MVB12B: variants seen among roughly 807,000 people sequenced by gnomAD.
MVB12B encodes the protein ESCRT-I complex subunit MVB12B.
In MVB12B, 16 loss-of-function variants were observed where a neutral mutation model predicts 41.6. The observed-to-expected ratio is 0.38, with a 90% CI of 0.26 to 0.58. The LOEUF is 0.58. Among genes scored for constraint, MVB12B ranks in the 20% least tolerant of loss-of-function variants. MVB12B has a pLI of 0.62. For missense variants in MVB12B, 274 were observed against 380.2 expected, an observed-to-expected ratio of 0.72 and a Z score of 2.32; for synonymous variants, 133 against 139.7, an observed-to-expected ratio of 0.95 and a Z score of 0.34.
At chr9:126,351,670 A>G (rs927551212) in intron 2 of MVB12B, among the ~76,000 whole-genome samples, 2 of 152,052 alleles carry the variant, frequency 1.3e-5, no homozygotes, top group African/African-American at 2.4e-5. Context: ...TTGTACTTTT[A>G]GTAGAGATGG....
intron 9 of MVB12B, among the ~76,000 whole-genome samples, chr9:126,493,353 T>C (rs1171327986): frequency 6.6e-6 from 1 of 152,200 alleles, no homozygotes; most frequent in Admixed American, 6.5e-5. Context: ...TTATCATATG[T>C]AAGTGGATCA....
chr9:126,344,362 T>C (rs1171908668), intron 2 of MVB12B, among the ~76,000 whole-genome samples: 1 of 152,236 alleles, frequency 6.6e-6, no homozygotes, highest in Non-Finnish European at 1.5e-5. Flanking sequence ...TCTGACAGCA[T>C]GAACCCCTTG....
chr9:126,363,386 G>A (rs1175566441), intron 2 of MVB12B, among the ~76,000 whole-genome samples: 1 of 152,136 alleles, frequency 6.6e-6, no homozygotes, highest in Non-Finnish European at 1.5e-5. Flanking sequence ...TGTAGGGAGT[G>A]GCAGGTGATT....
chr9:126,498,027 G>T (rs937017910), intron 9 of MVB12B, among the ~76,000 whole-genome samples: 2 of 152,232 alleles, frequency 1.3e-5, no homozygotes, highest in African/African-American at 4.8e-5. Context: ...CCTCTCCCGG[G>T]ACTGCAGCGC....
chr9:126,345,149 G>A (rs1321261717), intron 2 of MVB12B, among the ~76,000 whole-genome samples: 1 of 152,162 alleles, frequency 6.6e-6, no homozygotes, highest in African/African-American at 2.4e-5. Context: ...TGTGGTGGGG[G>A]TCCAGGTCCA....
chr9:126,453,279 G>A (rs10987285), intron 7 of MVB12B, among the ~76,000 whole-genome samples: 37,628 of 151,916 alleles, frequency 0.25, 4,904 homozygotes, highest in Middle Eastern at 0.29. Context: ...GCATTGTCAA[G>A]GACACATGAA....
At chr9:126,475,874 G>A (rs1548790) in intron 7 of MVB12B, among the ~76,000 whole-genome samples, 95,080 of 152,114 alleles carry the variant, frequency 0.63, 31,111 homozygotes, top group East Asian at 0.74. Flanking sequence ...AAAAATAAAA[G>A]TCTATTTTCT....
intron 3 of MVB12B, among the ~76,000 whole-genome samples, chr9:126,385,377 A>C (rs1054302310): frequency 5.1e-4 from 77 of 152,216 alleles, no homozygotes; most frequent in African/African-American, 1.7e-3. Flanking sequence ...AAGAGGGAAC[A>C]TAACACAGTT....
intron 7 of MVB12B, among the ~76,000 whole-genome samples, chr9:126,439,056 C>T (rs924375298): frequency 2.0e-5 from 3 of 151,966 alleles, no homozygotes; most frequent in East Asian, 1.9e-4. Flanking sequence ...TTAAAGGGTT[C>T]GATTCCCTTA....
At chr9:126,489,512 A>C (rs1261126219) in intron 9 of MVB12B, among the ~76,000 whole-genome samples, 1 of 152,260 alleles carries the variant, frequency 6.6e-6, no homozygotes, top group African/African-American at 2.4e-5. Flanking sequence ...AGTTAGAATC[A>C]GTGGATGCGC....
intron 1 of MVB12B, among the ~76,000 whole-genome samples, chr9:126,332,405 A>C (rs1829155026): frequency 6.6e-6 from 1 of 152,130 alleles, no homozygotes; most frequent in Non-Finnish European, 1.5e-5. Flanking sequence ...GAGGATAGGG[A>C]ATGGGAAAGC....
At chr9:126,492,280 T>C (rs1833749166) in intron 9 of MVB12B, among the ~76,000 whole-genome samples, 2 of 151,394 alleles carry the variant, frequency 1.3e-5, no homozygotes, top group South Asian at 4.2e-4. Flanking sequence ...GATTATGCCA[T>C]AATTTATCTA....
chr9:126,498,940 T>C (rs372107337), intron 9 of MVB12B, among the ~76,000 whole-genome samples: 1 of 152,174 alleles, frequency 6.6e-6, no homozygotes, highest in Non-Finnish European at 1.5e-5. Context: ...CCAGGACCAC[T>C]CCTGCCAACC....
intron 1 of MVB12B, among the ~76,000 whole-genome samples, chr9:126,338,371 A>G (rs899117300): frequency 6.6e-6 from 1 of 152,090 alleles, no homozygotes; most frequent in Non-Finnish European, 1.5e-5. Flanking sequence ...GGGCATGGTG[A>G]CCCTCCTGCT....
chr9:126,423,181 G>T (rs567045369), intron 7 of MVB12B, among the ~76,000 whole-genome samples: 1 of 152,224 alleles, frequency 6.6e-6, no homozygotes, highest in African/African-American at 2.4e-5. Context: ...CCAGCAGGGC[G>T]CCCCCATTCA....
At chr9:126,439,371 G>A (rs1171448941) in intron 7 of MVB12B, among the ~76,000 whole-genome samples, 1 of 152,156 alleles carries the variant, frequency 6.6e-6, no homozygotes, top group Non-Finnish European at 1.5e-5. Flanking sequence ...GTCTCCACAG[G>A]GACCTGAAAC....
Position 126,326,970 on chromosome 9 carries a change from C to T in MVB12B, c.41C>T (p.Pro14Leu). 7.6e-6 allele frequency: 2 copies of T among 264,422 alleles called. No homozygotes were observed. The highest frequency in any genetic ancestry group is 1.5e-5 in the Non-Finnish European group (2 of 131,078). The allele number at this position is 264,422 out of a possible 1,614,324, so 16.4% of individuals were successfully genotyped here. A position where few individuals can be genotyped will look rare whatever the true frequency, so the allele number is the denominator to read the frequency against. The change falls in exon 1 of 10, where the codon CCG becomes CTG. Residue 14 changes from proline (P) to leucine (L), a missense_variant. Physicochemically the swap from Pro to Leu is moderately conservative, Grantham distance 98. Coordinates refer to ENST00000361171, the MANE Select transcript of MVB12B (RefSeq NM_033446.3). ...TGCGTGAGACGGAGCCGGGACCCGC[C>T]GCCGCCGCAGCCACCGCCGCCGCCG... ...CFCVRRSRDP[P>L]PPQPPPPPPQ... is the part of the protein sequence containing the mutation.
chr9:126,484,101 G>T, intron 9 of MVB12B, 69 bp downstream of exon 9: 5 of 1,446,100 alleles, frequency 3.5e-6, no homozygotes, highest in Non-Finnish European at 4.9e-6. Flanking sequence ...TCTCTCGTGT[G>T]TTCCCCTAGG....
In MVB12B at chr9:126,506,078, C is replaced by A. The variant is rs1834064209; in HGVS notation, c.*2815C>A. The A allele has an allele frequency of 6.6e-6, 1 of 152,352 alleles. No individual in the cohort carries two copies. The highest frequency in any genetic ancestry group is 1.5e-5 in the Non-Finnish European group (1 of 68,058). 9.4% of individuals were successfully genotyped at this position (152,352 alleles called of 1,614,324 possible). A position where few individuals can be genotyped will look rare whatever the true frequency, so the allele number is the denominator to read the frequency against. Reference sequence around the variant, plus strand: ...AGGAGCAGGTGCTTTGCTGCAGTCTCCCTTGCAAATGTATAATTAAGGCCT... The same window carrying A: ...AGGAGCAGGTGCTTTGCTGCAGTCTACCTTGCAAATGTATAATTAAGGCCT... On this transcript the variant is annotated 3_prime_UTR_variant, in exon 10 of 10. Coordinates refer to ENST00000361171, the MANE Select transcript of MVB12B (RefSeq NM_033446.3).
Sources: allele counts gnomAD v4.1 joint callset (sites outside exome capture counted in the v4.1 genomes callset), GRCh38; gene constraint gnomAD v4.1.1; transcripts MANE v1.5; gene names NCBI Gene and HGNC (gene_info 2026-07-23, HGNC 2026-07-21).